Variants in LHFPL6 observed in about 807,000 individuals in gnomAD.
The protein encoded by LHFPL6 is LHFPL tetraspan subfamily member 6 protein.
LHFPL6 carries 9 observed loss-of-function variants against 20.6 expected under a neutral mutation model. That is an observed-to-expected ratio of 0.44 (90% CI 0.26 to 0.76). LHFPL6 has a LOEUF of 0.76. Among genes scored for constraint, LHFPL6 ranks in the 30% least tolerant of loss-of-function variants. The pLI is 0.20. For synonymous variants in LHFPL6, 105 were observed against 98.7 expected, an observed-to-expected ratio of 1.06 and a Z score of -0.38; for missense variants, 218 against 253.5, an observed-to-expected ratio of 0.86 and a Z score of 0.95.
chr13:39,405,115 T>A (rs142596555), intron 2 of LHFPL6, among the ~76,000 whole-genome samples: 348 of 152,156 alleles, frequency 2.3e-3, no homozygotes, highest in Non-Finnish European at 2.1e-3. Flanking sequence ...TAAAATTGAG[T>A]GTGAGGTGAT....
At chr13:39,420,913 C>T (rs966305264) in intron 2 of LHFPL6, among the ~76,000 whole-genome samples, 7 of 152,140 alleles carry the variant, frequency 4.6e-5, no homozygotes, top group African/African-American at 1.4e-4. Flanking sequence ...CATATAGTTC[C>T]GTTCTTATAG....
intron 2 of LHFPL6, among the ~76,000 whole-genome samples, chr13:39,512,418 C>T (rs1057500750): frequency 6.6e-6 from 1 of 151,958 alleles, no homozygotes; most frequent in Admixed American, 6.6e-5. Flanking sequence ...CTGGCTAACA[C>T]GGTGAAACCC....
At chr13:39,567,080 C>T (rs959069638) in intron 2 of LHFPL6, among the ~76,000 whole-genome samples, 1 of 147,168 alleles carries the variant, frequency 6.8e-6, no homozygotes, top group Non-Finnish European at 1.5e-5. Flanking sequence ...CATCAAACAA[C>T]GTTACAATTA....
At position 39,361,088 on chromosome 13, in the gene LHFPL6, G is replaced by A. The variant is rs187032046; in HGVS notation, c.485-17034C>T. Among the ~76,000 whole-genome samples the A allele has an allele frequency of 9.5e-4, 92 of 96,858 alleles. 20 individuals carry two copies. The highest frequency in any genetic ancestry group is 2.5e-3 in the African/African-American group (84 of 33,174). 63.5% of individuals were successfully genotyped at this position (96,858 alleles called of 152,430 possible). A position where few individuals can be genotyped will look rare whatever the true frequency, so the allele number is the denominator to read the frequency against. On this transcript the variant is annotated intron_variant, in intron 3 of 3. Transcript: ENST00000379589. ...CACAGCTGCTCAAATCTGTGAAAGGGCAGGACACACTGACCAGTAGCTGGA... is the reference window on the plus strand; with the variant it reads ...CACAGCTGCTCAAATCTGTGAAAGGACAGGACACACTGACCAGTAGCTGGA...
chr13:39,580,827 T>C (rs1872259539), intron 2 of LHFPL6, among the ~76,000 whole-genome samples: 1 of 152,196 alleles, frequency 6.6e-6, no homozygotes, highest in Non-Finnish European at 1.5e-5. Flanking sequence ...CTGTAACTTG[T>C]CCAGAACCAG....
In LHFPL6 at chr13:39,358,733, C is replaced by T. The variant is rs1017376939; in HGVS notation, c.485-14679G>A. On this transcript the variant is annotated intron_variant, in intron 3 of 3. Coordinates refer to ENST00000379589, the MANE Select transcript of LHFPL6 (RefSeq NM_005780.3). ...ACCACATTAATAAGTGGGCAAAGGA[C>T]ATGAACAGAAACTTCTCACAAGAAG... Among the ~76,000 whole-genome samples, 54 of 152,112 alleles carry T rather than the reference C, an allele frequency of 3.6e-4. 3 individuals carry two copies. Among genetic ancestry groups the T allele is most frequent in the Non-Finnish European group, 4.4e-5 (3 of 68,012 alleles).
At chr13:39,485,992 A>G (rs1441051878) in intron 2 of LHFPL6, among the ~76,000 whole-genome samples, 1 of 152,124 alleles carries the variant, frequency 6.6e-6, no homozygotes, top group Non-Finnish European at 1.5e-5. Flanking sequence ...TTCGCATTTT[A>G]CTGAGAAGGA....
chr13:39,470,922 A>G (rs966576722), intron 2 of LHFPL6, among the ~76,000 whole-genome samples: 1 of 152,202 alleles, frequency 6.6e-6, no homozygotes, highest in Non-Finnish European at 1.5e-5. Context: ...CACTTCAGAT[A>G]TACAGGCATT....
rs144646704 is a variant in LHFPL6 at position 39,374,487 on chromosome 13, A to G, written c.484+3941T>C. ...ACCCCAAATCTCCGCATCAAGCAAT[A>G]CACTCATGTAATAAACTTGCACATG... On this transcript the variant is annotated intron_variant, in intron 3 of 3. Transcript: ENST00000379589. 2.2e-3 allele frequency among the ~76,000 whole-genome samples: 337 copies of G among 152,238 alleles called. 3 individuals are homozygous for G. The highest frequency in any genetic ancestry group is 7.7e-3 in the African/African-American group (319 of 41,532).
chr13:39,346,203 G>A (rs1191693284), intron 3 of LHFPL6, among the ~76,000 whole-genome samples: 1 of 152,114 alleles, frequency 6.6e-6, no homozygotes, highest in Non-Finnish European at 1.5e-5. Flanking sequence ...GGGAGTTATT[G>A]GCTTGTGGTC....
rs377134580 is a variant in LHFPL6, at chr13:39,412,695, C to T, written c.386-34169G>A. Among the ~76,000 whole-genome samples the T allele has an allele frequency of 5.3e-5, 8 of 152,216 alleles. No individual in the cohort carries two copies. In the East Asian group the frequency reaches 1.4e-3, roughly 26 times the overall value. The stretch of plus-strand genomic sequence containing the variant: ...ATCCCAGCACTTTGGGAGGCCAAGG[C>T]GGGTGGATCACGAGGTCAGGAATTC... On this transcript the variant is annotated intron_variant, in intron 2 of 3. Coordinates refer to ENST00000379589, the MANE Select transcript of LHFPL6 (RefSeq NM_005780.3).
chr13:39,590,893 C>T (rs912713208), intron 2 of LHFPL6, among the ~76,000 whole-genome samples: 12 of 152,230 alleles, frequency 7.9e-5, no homozygotes. Flanking sequence ...CTAATCCATA[C>T]TGACCATGGC....
At chr13:39,455,715 C>T (rs1383301999) in intron 2 of LHFPL6, among the ~76,000 whole-genome samples, 1 of 152,152 alleles carries the variant, frequency 6.6e-6, no homozygotes, top group Non-Finnish European at 1.5e-5. Context: ...TTATCAGATG[C>T]TGCGAAGCGA....
chr13:39,407,159 G>A (rs555811727), intron 2 of LHFPL6, among the ~76,000 whole-genome samples: 2 of 152,112 alleles, frequency 1.3e-5, no homozygotes, highest in Admixed American at 6.5e-5. Context: ...ATTTATTTGA[G>A]TTTCATAGAT....
At chr13:39,436,186 A>G (rs1871952521) in intron 2 of LHFPL6, among the ~76,000 whole-genome samples, 1 of 152,116 alleles carries the variant, frequency 6.6e-6, no homozygotes, top group Admixed American at 6.5e-5. Context: ...TAATATAAGA[A>G]AATTTTGTGC....
intron 2 of LHFPL6, among the ~76,000 whole-genome samples, chr13:39,512,106 G>A (rs891228060): frequency 6.6e-6 from 1 of 152,256 alleles, no homozygotes; most frequent in African/African-American, 2.4e-5. Context: ...AGACTTTTAA[G>A]GTATAAAGAT....
At chr13:39,391,492 G>A (rs983679723) in intron 2 of LHFPL6, among the ~76,000 whole-genome samples, 1 of 152,110 alleles carries the variant, frequency 6.6e-6, no homozygotes, top group African/African-American at 2.4e-5. Flanking sequence ...GTGTGTGTGT[G>A]TATGTGTGTA....
At chr13:39,510,268 A>G (rs754336352) in intron 2 of LHFPL6, among the ~76,000 whole-genome samples, 4 of 152,234 alleles carry the variant, frequency 2.6e-5, no homozygotes, top group Non-Finnish European at 5.9e-5. Flanking sequence ...ATATATTCTG[A>G]GCAGCACTGG....
chr13:39,600,699 A>G, intron 2 of LHFPL6, 133 bp downstream of exon 2: 8 of 975,008 alleles, frequency 8.2e-6, no homozygotes, highest in Non-Finnish European at 1.1e-5. Flanking sequence ...ACCTATCATC[A>G]AAGCCATTCC....
Sources: gnomAD v4.1 joint callset for allele counts (sites outside exome capture counted in the v4.1 genomes callset) on GRCh38, gnomAD v4.1.1 for gene constraint, MANE v1.5 for transcripts, NCBI Gene and HGNC (gene_info 2026-07-23, HGNC 2026-07-21) for gene names.